FAM13A: variants seen among roughly 807,000 people sequenced by gnomAD.
FAM13A encodes the protein protein FAM13A.
FAM13A carries 76 observed loss-of-function variants against 129.6 expected under a neutral mutation model. The observed-to-expected ratio is 0.59, with a 90% CI of 0.49 to 0.71. FAM13A has a LOEUF of 0.71. Among genes scored for constraint, FAM13A ranks in the 30% least tolerant of loss-of-function variants. The probability of loss-of-function intolerance (pLI) is 0.00; values close to 1 mark genes in which losing one functional copy is unlikely to be tolerated. For synonymous variants in FAM13A, 443 were observed against 449.9 expected (o/e 0.98, Z 0.20); for missense variants, 1,108 against 1,249.3 (o/e 0.89, Z 1.70).
intron 4 of FAM13A, among the ~76,000 whole-genome samples, chr4:88,962,779 CA>C (rs375687670): frequency 1.7e-4 from 26 of 152,186 alleles, no homozygotes; most frequent in African/African-American, 6.0e-4. Flanking sequence ...ATAATAGTCC[CA>C]AATTGACAGC....
chr4:88,992,064 T>A (rs753067005), intron 3 of FAM13A, among the ~76,000 whole-genome samples: 7 of 152,150 alleles, frequency 4.6e-5, no homozygotes, highest in African/African-American at 1.7e-4. Flanking sequence ...TGTTAGTAAT[T>A]TTCCACCCAC....
At chr4:88,873,545 A>C (rs1741807040) in intron 6 of FAM13A, among the ~76,000 whole-genome samples, 1 of 152,248 alleles carries the variant, frequency 6.6e-6, no homozygotes, top group African/African-American at 2.4e-5. Context: ...ATCTAGAAGA[A>C]ATGGATAAAT....
intron 1 of FAM13A, among the ~76,000 whole-genome samples, chr4:89,043,516 A>C (rs1029072599): frequency 1.3e-5 from 2 of 152,150 alleles, no homozygotes; most frequent in African/African-American, 4.8e-5. Flanking sequence ...TCTTGCTACT[A>C]ACCTGCAAAA....
chr4:89,052,552 G>A (rs182035508), intron 1 of FAM13A, among the ~76,000 whole-genome samples: 76 of 145,268 alleles, frequency 5.2e-4, no homozygotes, highest in African/African-American at 1.9e-3. Context: ...CAAGGAACTT[G>A]CACTCTGGGC....
chr4:88,868,633 G>C (rs2150067037), intron 6 of FAM13A, among the ~76,000 whole-genome samples: 1 of 152,156 alleles, frequency 6.6e-6, no homozygotes, highest in Non-Finnish European at 1.5e-5. Context: ...TATTTCCGCA[G>C]GTTCATTGCC....
At chr4:88,961,347 CTTTTTTTTTTTTTTTTTTT>C (rs773764813) in intron 4 of FAM13A, among the ~76,000 whole-genome samples, 583 of 55,428 alleles carry the variant, frequency 0.011, 5 homozygotes, top group African/African-American at 0.038. Context: ...TGGAATTTGC[CTTTTTTTTTTTTTTTTTTT>C]TTTTTTTTTT....
intron 4 of FAM13A, among the ~76,000 whole-genome samples, chr4:88,943,334 G>A (rs1228404535): frequency 6.6e-6 from 1 of 152,184 alleles, no homozygotes; most frequent in Non-Finnish European, 1.5e-5. Flanking sequence ...TGTCAAGTAA[G>A]AAATGATGTT....
At chr4:88,907,027 T>C (rs1748286358) in intron 5 of FAM13A, among the ~76,000 whole-genome samples, 1 of 152,232 alleles carries the variant, frequency 6.6e-6, no homozygotes, top group Non-Finnish European at 1.5e-5. Flanking sequence ...CAAAAGAACA[T>C]TTGCCAAAAT....
chr4:88,771,178 A>G (rs1033524998), intron 11 of FAM13A, among the ~76,000 whole-genome samples: 4 of 150,758 alleles, frequency 2.7e-5, no homozygotes, highest in African/African-American at 9.8e-5. Flanking sequence ...GAATGAAACT[A>G]ACAAGGGTAG....
At chr4:88,773,884 A>C (rs1052494172) in intron 11 of FAM13A, among the ~76,000 whole-genome samples, 3 of 152,128 alleles carry the variant, frequency 2.0e-5, no homozygotes, top group Admixed American at 2.0e-4. Context: ...TGATCCTTTC[A>C]TAAGGTATAT....
intron 4 of FAM13A, among the ~76,000 whole-genome samples, chr4:88,973,711 T>C (rs573386082): frequency 6.6e-6 from 1 of 152,340 alleles, no homozygotes; most frequent in East Asian, 1.9e-4. Flanking sequence ...ATTTTTTTCA[T>C]GATGGCTGGA....
At chr4:88,961,629 A>G (rs1478198744) in intron 4 of FAM13A, among the ~76,000 whole-genome samples, 1 of 151,950 alleles carries the variant, frequency 6.6e-6, no homozygotes, top group Non-Finnish European at 1.5e-5. Context: ...AGCCTCCCAG[A>G]GTGTTGGGAT....
chr4:88,790,394 C>T (rs1724877042), intron 9 of FAM13A, among the ~76,000 whole-genome samples, 192 bp downstream of exon 9: 2 of 152,046 alleles, frequency 1.3e-5, no homozygotes, highest in African/African-American at 4.8e-5. Context: ...TAGGAATACA[C>T]ATATAGAAGC....
intron 3 of FAM13A, among the ~76,000 whole-genome samples, chr4:89,008,136 G>C (rs549509652): frequency 1.3e-5 from 2 of 151,976 alleles, no homozygotes; most frequent in South Asian, 4.2e-4. Flanking sequence ...TCCCACTGCA[G>C]GCTTTTTTAC....
At chr4:88,805,835 G>C (rs1234898616) in intron 7 of FAM13A, among the ~76,000 whole-genome samples, 4 of 151,510 alleles carry the variant, frequency 2.6e-5, no homozygotes, top group Admixed American at 6.6e-5. Context: ...TGTCAGGCTA[G>C]TTTTTTATTT....
intron 6 of FAM13A, among the ~76,000 whole-genome samples, chr4:88,865,922 C>T (rs1295837947): frequency 3.4e-5 from 4 of 117,816 alleles, no homozygotes; most frequent in Non-Finnish European, 6.5e-5. Context: ...CAGAGTCTCA[C>T]TCTGTTGCCT....
At chr4:88,929,138 T>C (rs1752666734) in intron 5 of FAM13A, among the ~76,000 whole-genome samples, 1 of 152,016 alleles carries the variant, frequency 6.6e-6, no homozygotes, top group African/African-American at 2.4e-5. Flanking sequence ...CTCCTTCATC[T>C]ATGAAGTATA....
chr4:89,022,200 A>C (rs1767359968), intron 2 of FAM13A, among the ~76,000 whole-genome samples: 1 of 152,222 alleles, frequency 6.6e-6, no homozygotes, highest in Non-Finnish European at 1.5e-5. Flanking sequence ...CTCTTTTTAA[A>C]GCAAAAGAGG....
At chr4:88,842,771 T>A (rs779406663) in intron 7 of FAM13A, among the ~76,000 whole-genome samples, 1 of 152,206 alleles carries the variant, frequency 6.6e-6, no homozygotes, top group Non-Finnish European at 1.5e-5. Context: ...CCATTACTTA[T>A]CTACCATTTC....
Sources: allele counts gnomAD v4.1 joint callset (sites outside exome capture counted in the v4.1 genomes callset), GRCh38; gene constraint gnomAD v4.1.1; transcripts MANE v1.5; gene names NCBI Gene and HGNC (gene_info 2026-07-23, HGNC 2026-07-21).